TMEM117: variants seen among roughly 807,000 people sequenced by gnomAD.
The protein encoded by TMEM117 is transmembrane protein 117.
In TMEM117, 27 loss-of-function variants were observed where a neutral mutation model predicts 52.4. That is an observed-to-expected ratio of 0.51 (90% CI 0.38 to 0.71). The LOEUF is 0.71. Among genes scored for constraint, TMEM117 ranks in the 30% least tolerant of loss-of-function variants. The pLI, the probability that TMEM117 is intolerant of heterozygous loss-of-function variation, is 0.00. For missense variants in TMEM117, 556 were observed against 630.5 expected (o/e 0.88, Z 1.26); for synonymous variants, 215 against 206.3 (o/e 1.04, Z -0.36).
chr12:44,143,207 C>T (rs1425619994), intron 3 of TMEM117, among the ~76,000 whole-genome samples: 7 of 152,218 alleles, frequency 4.6e-5, no homozygotes, highest in Non-Finnish European at 1.0e-4. Flanking sequence ...TCTGCTCATA[C>T]TTGAGTGAGC....
At chr12:43,810,368 C>T in the TMEM117 span, among the ~76,000 whole-genome samples, 1 of 152,090 alleles carries the variant, frequency 6.6e-6, no homozygotes, top group Non-Finnish European at 1.5e-5. Context: ...TAATTAACAC[C>T]CAAAAACCTT....
chr12:44,020,383 C>T (rs1946438330), intron 3 of TMEM117, among the ~76,000 whole-genome samples: 1 of 152,218 alleles, frequency 6.6e-6, no homozygotes, highest in East Asian at 1.9e-4. Flanking sequence ...GGTCAAAGAC[C>T]AACTGTGAAG....
At chr12:44,204,640 A>G (rs1949540148) in intron 4 of TMEM117, among the ~76,000 whole-genome samples, 1 of 152,164 alleles carries the variant, frequency 6.6e-6, no homozygotes, top group South Asian at 2.1e-4. Context: ...GCATCACACT[A>G]CCTGACTTCA....
intron 5 of TMEM117, among the ~76,000 whole-genome samples, chr12:44,290,360 C>T (rs778168642): frequency 6.6e-6 from 1 of 152,118 alleles, no homozygotes; most frequent in African/African-American, 2.4e-5. Flanking sequence ...TCAGGCCTTA[C>T]ATTTAAGTCT....
chr12:44,317,002 CT>C (rs1202276425), intron 6 of TMEM117, among the ~76,000 whole-genome samples: 217 of 121,488 alleles, frequency 1.8e-3, no homozygotes, highest in East Asian at 0.01. Context: ...TTTTCTTTTT[CT>C]TTTTTTTTTT....
chr12:44,309,896 A>T (rs548602424), intron 6 of TMEM117, among the ~76,000 whole-genome samples: 3 of 152,294 alleles, frequency 2.0e-5, no homozygotes, highest in South Asian at 2.1e-4. Flanking sequence ...AAAACAAAGC[A>T]CATTGCAGGT....
chr12:44,251,664 C>T lies in TMEM117; in HGVS notation c.608+40277C>T, dbSNP rs76304064. Among the ~76,000 whole-genome samples, 365 of 152,276 alleles carry T rather than the reference C, an allele frequency of 2.4e-3. 12 individuals carry two copies. In the East Asian group the frequency reaches 0.035, roughly 14 times the overall value. On this transcript the variant is annotated intron_variant, in intron 5 of 7. Transcript: ENST00000266534. The stretch of plus-strand genomic sequence containing the variant: ...CAGAATAATTGGAAATATCAAATAA[C>T]CTTATTAGCTGACACTGAATCTACC...
chr12:44,243,394 G>A (rs192967663), intron 5 of TMEM117, among the ~76,000 whole-genome samples: 1 of 151,860 alleles, frequency 6.6e-6, no homozygotes, highest in East Asian at 1.9e-4. Context: ...ATACCTGAGA[G>A]TTTACACACT....
intron 2 of TMEM117, among the ~76,000 whole-genome samples, chr12:43,918,325 T>C (rs1944639106): frequency 6.6e-6 from 1 of 152,246 alleles, no homozygotes; most frequent in Non-Finnish European, 1.5e-5. Flanking sequence ...TCAGCAATCA[T>C]AATTTTTTGT....
chr12:44,160,127 G>A (rs953406195), intron 4 of TMEM117, among the ~76,000 whole-genome samples: 3 of 152,088 alleles, frequency 2.0e-5, no homozygotes, highest in East Asian at 1.9e-4. Context: ...AATAAGTACC[G>A]AGAATGTGTA....
chr12:44,145,273 A>T (rs568412825), intron 4 of TMEM117, among the ~76,000 whole-genome samples: 42 of 152,344 alleles, frequency 2.8e-4, no homozygotes, highest in East Asian at 9.6e-4. Flanking sequence ...GTTTAAAAAA[A>T]TTTTTTGACA....
chr12:43,915,244 C>T (rs1451734429), intron 2 of TMEM117, among the ~76,000 whole-genome samples: 2 of 152,146 alleles, frequency 1.3e-5, no homozygotes, highest in African/African-American at 4.8e-5. Flanking sequence ...CTTTAGACTT[C>T]TCCTTCAGTT....
At chr12:44,326,908 T>G (rs1951203245) in intron 6 of TMEM117, among the ~76,000 whole-genome samples, 1 of 152,212 alleles carries the variant, frequency 6.6e-6, no homozygotes, top group Non-Finnish European at 1.5e-5. Flanking sequence ...GCCTCCTTCT[T>G]TCTAGCCTGA....
At chr12:44,093,043 G>T (rs1430713663) in intron 3 of TMEM117, among the ~76,000 whole-genome samples, 1 of 152,126 alleles carries the variant, frequency 6.6e-6, no homozygotes, top group South Asian at 2.1e-4. Flanking sequence ...TGAAATGGGG[G>T]TGGGAGGAAG....
At chr12:43,795,948 T>C in the TMEM117 span, among the ~76,000 whole-genome samples, 2 of 152,192 alleles carry the variant, frequency 1.3e-5, no homozygotes, top group Non-Finnish European at 2.9e-5. Context: ...ATCAGCTACA[T>C]TCACTTCCTT....
chr12:43,840,602 A>G (rs922636208), intron 1 of TMEM117, among the ~76,000 whole-genome samples: 15 of 152,108 alleles, frequency 9.9e-5, no homozygotes, highest in Admixed American at 4.6e-4. Flanking sequence ...TGAGTGTACC[A>G]CTCAGCTCAT....
intron 3 of TMEM117, among the ~76,000 whole-genome samples, chr12:43,961,515 A>G (rs1281675464): frequency 6.6e-6 from 1 of 152,216 alleles, no homozygotes; most frequent in African/African-American, 2.4e-5. Context: ...CCTGGCTTGA[A>G]TGGTATTGGA....
chr12:44,274,863 T>C (rs551518244), intron 5 of TMEM117, among the ~76,000 whole-genome samples: 24 of 152,150 alleles, frequency 1.6e-4, no homozygotes, highest in Non-Finnish European at 2.5e-4. Flanking sequence ...TAAGAAAACA[T>C]TGGGGAAACT....
At chr12:44,007,461 C>G (rs1565789786) in intron 3 of TMEM117, among the ~76,000 whole-genome samples, 1 of 151,928 alleles carries the variant, frequency 6.6e-6, no homozygotes, top group Non-Finnish European at 1.5e-5. Flanking sequence ...AAAATAATTT[C>G]ACAAGACACA....
Sources: allele counts gnomAD v4.1 joint callset (sites outside exome capture counted in the v4.1 genomes callset), GRCh38; gene constraint gnomAD v4.1.1; transcripts MANE v1.5; gene names NCBI Gene and HGNC (gene_info 2026-07-23, HGNC 2026-07-21).